Variants in HSPG2 observed in about 807,000 individuals in gnomAD.
The protein encoded by HSPG2 is heparan sulfate proteoglycan 2, also known as basement membrane-specific heparan sulfate proteoglycan core protein.
In HSPG2, 278 loss-of-function variants were observed where a neutral mutation model predicts 526.6. The ratio of observed to expected loss-of-function variants is 0.53; its 90% CI spans 0.48 to 0.58. HSPG2 has a LOEUF of 0.58. HSPG2 is among the 20% of genes least tolerant of loss of function. The pLI, the probability that HSPG2 is intolerant of heterozygous loss-of-function variation, is 0.00. For missense variants in HSPG2, 5,354 were observed against 6,099.5 expected (o/e 0.88, Z 4.07); for synonymous variants, 2,465 against 2,555.4 (o/e 0.96, Z 1.07).
At chr1:21,873,739 G>T (rs1640833582) in intron 29 of HSPG2, among the ~76,000 whole-genome samples, 186 bp downstream of exon 29, 1 of 152,170 alleles carries the variant, frequency 6.6e-6, no homozygotes, top group African/African-American at 2.4e-5. Context: ...GTGTCTGAGG[G>T]TCTTGAATTC....
Position 21,839,823 on chromosome 1 carries a change from T to G in HSPG2, c.9708A>C (p.Thr3236=). Residue 3236 remains threonine, a splice_region_variant and synonymous_variant, in exon 72 of 97, where the codon ACA becomes ACC. Transcript: ENST00000374695. The surrounding 1 kb of genome is among the most constrained non-coding windows in gnomAD (Gnocchi z 4.5). ...GHTATLRCSA[T]GSPAPTIHWS... ...CTATGTGCCAGCCCTTGGTCACACCTGTGGCTGAGCAGCGCAAGGTGGCCG... is the reference window on the plus strand; with the variant it reads ...CTATGTGCCAGCCCTTGGTCACACCGGTGGCTGAGCAGCGCAAGGTGGCCG... 6.2e-7 allele frequency: 1 copy of G among 1,613,372 alleles called. No homozygotes were observed. The highest frequency in any genetic ancestry group is 8.5e-7 in the Non-Finnish European group (1 of 1,179,980).
chr1:21,853,886 C>G, intron 50 of HSPG2: 1 of 436,112 alleles, frequency 2.3e-6, no homozygotes, highest in Non-Finnish European at 4.2e-6. Flanking sequence ...AAAGCTAGTT[C>G]AAGGTTGCTA....
At position 21,850,448 on chromosome 1, in the gene HSPG2, G is replaced by C. The variant is rs770212594; in HGVS notation, c.7209C>G (p.Gly2403=). 6 of 1,612,042 alleles carry C rather than the reference G, an allele frequency of 3.7e-6. No homozygotes were observed. The highest frequency in any genetic ancestry group is 1.3e-5 in the African/African-American group (1 of 74,900). Residue 2403 remains glycine, a synonymous_variant, in exon 56 of 97, where the codon GGC becomes GGG. Transcript: ENST00000374695. ...TGCCCAACACTCGGCACACGTACTC[G>C]CCCGAGTCGGCGGGGGACGCTTGGT... ...RLYQASPADS[G]EYVCRVLGSS... is the part of the protein sequence containing the mutation.
intron 18 of HSPG2, 118 bp from the exon 19 acceptor site, chr1:21,878,781 TCCCTGC>T (rs1339312174): frequency 2.5e-6 from 3 of 1,210,522 alleles, no homozygotes; most frequent in African/African-American, 1.5e-5. Flanking sequence ...TGACGCCATC[TCCCTGC>T]CCGGCAGCCT....
Position 21,839,107 on chromosome 1 carries a change from TC to T in HSPG2, c.9890-23del. ...GGGCCTGAGTGGGGGGACACAGAGG[TC>T]AGGATTGGGGAGGGCAAAGGTCAGA... On this transcript the variant is annotated intron_variant, in intron 73 of 96. Transcript: ENST00000374695. The surrounding 1 kb of genome is among the most constrained non-coding windows in gnomAD (Gnocchi z 4.5). 1 of 1,565,716 alleles carries T rather than the reference TC, an allele frequency of 6.4e-7. No homozygotes were observed. Among genetic ancestry groups the T allele is most frequent in the South Asian group, 1.2e-5 (1 of 83,298 alleles).
In HSPG2 at chr1:21,847,575, CCTGTTG is replaced by C; in HGVS notation, c.8026-89_8026-84del. ...AGCTGGCTCAGGCCTTCCTGCTCAG[CCTGTTG>C]AGGCTGCTATCGGTCTACCCAGGGC... On this transcript the variant is annotated intron_variant, in intron 61 of 96. Coordinates refer to ENST00000374695, the MANE Select transcript of HSPG2 (RefSeq NM_005529.7). The surrounding 1 kb of genome is among the most constrained non-coding windows in gnomAD (Gnocchi z 4.1). 1 of 1,605,828 alleles carries C rather than the reference CCTGTTG, an allele frequency of 6.2e-7. No homozygotes were observed. Among genetic ancestry groups the C allele is most frequent in the Non-Finnish European group, 8.5e-7 (1 of 1,173,860 alleles).
chr1:21,874,353 G>A (rs1572318497), intron 28 of HSPG2, 53 bp downstream of exon 28: 1 of 1,606,096 alleles, frequency 6.2e-7, no homozygotes, highest in East Asian at 2.2e-5. Context: ...GGGTGTGGGA[G>A]CGGGTGGTAG....
Position 21,873,038 on chromosome 1 carries a change from C to T in HSPG2, c.3847G>A (p.Val1283Ile), listed in dbSNP as rs62642527. The T allele has an allele frequency of 7.4e-4, 1,191 of 1,606,646 alleles. 7 individuals carry two copies. In the African/African-American group the frequency reaches 0.013, roughly 18 times the overall value. The change falls in exon 31 of 97, where the codon GTC becomes ATC. Residue 1283 changes from valine to isoleucine, a missense_variant. By Grantham distance (29) the Val-to-Ile change is conservative. Coordinates refer to ENST00000374695, the MANE Select transcript of HSPG2 (RefSeq NM_005529.7). ...CCAGCAGCATCACACTGGCTGCTGA[C>T]GCTGCCTTGGGGGTCACAGTTGCAG... ...IGCNCDPQGS[V>I]SSQCDAAGQC...
At chr1:21,929,788 G>A (rs1378414302) in intron 1 of HSPG2, among the ~76,000 whole-genome samples, 1 of 151,982 alleles carries the variant, frequency 6.6e-6, no homozygotes, top group Non-Finnish European at 1.5e-5. Flanking sequence ...TTCTCTTTCT[G>A]TCCCGCCCCA....
At position 21,884,567 on chromosome 1, in the gene HSPG2, G is replaced by C. The variant is rs1348251766; in HGVS notation, c.1615C>G (p.Gln539Glu). ...GGTTGGTCAAAGCGCAGCCTGATCT[G>C]GTCCCGGAAGCGGCGGGTGCTCTGG... Reference protein sequence around the residue: ...VCQSTRRFRDQIRLRFDQPDD... With the variant: ...VCQSTRRFRDEIRLRFDQPDD... Residue 539 changes from glutamine (Q) to glutamate (E), a missense_variant, in exon 13 of 97, where the codon CAG (glutamine) becomes GAG (glutamate). Coordinates refer to ENST00000374695, the MANE Select transcript of HSPG2 (RefSeq NM_005529.7). 1.6e-5 allele frequency: 25 copies of C among 1,611,366 alleles called. No homozygotes were observed. The highest frequency in any genetic ancestry group is 2.0e-5 in the Non-Finnish European group (24 of 1,179,928).
chr1:21,882,162 C>T (rs1251032924), intron 13 of HSPG2, among the ~76,000 whole-genome samples: 1 of 151,912 alleles, frequency 6.6e-6, no homozygotes, highest in Non-Finnish European at 1.5e-5. Flanking sequence ...GACCCACAGA[C>T]TTTCAGGGCT....
rs1643256260 is a variant in HSPG2 at position 21,904,332 on chromosome 1, G to A, written c.64-8022C>T. Among the ~76,000 whole-genome samples the A allele has an allele frequency of 1.3e-5, 2 of 152,100 alleles. No homozygotes were observed. The highest frequency in any genetic ancestry group is 2.9e-5 in the Non-Finnish European group (2 of 68,028). ...AAGAGTGCGGACCAGGTGGAGGGAA[G>A]GGCACACGCTGAGGCCAGGGCTGGA... is the stretch of plus-strand genomic sequence containing the variant. On this transcript the variant is annotated intron_variant, in intron 1 of 96. Coordinates refer to ENST00000374695, the MANE Select transcript of HSPG2 (RefSeq NM_005529.7). This position sits in a 1 kb window ranked among gnomAD's most constrained non-coding sequence, Gnocchi z 4.4.
At chr1:21,837,368 C>T (rs1347230701) in intron 74 of HSPG2, among the ~76,000 whole-genome samples, 4 of 152,172 alleles carry the variant, frequency 2.6e-5, no homozygotes, top group African/African-American at 9.7e-5. Context: ...GCAACGTCCA[C>T]CTCCCGGGTT....
rs954095208 is a variant in HSPG2 at position 21,865,881 on chromosome 1, T to C, written c.4222-72A>G. 1.0e-4 allele frequency: 123 copies of C among 1,206,708 alleles called. 1 individual carries two copies. In the South Asian group the frequency reaches 1.3e-3, roughly 13 times the overall value. 74.8% of individuals were successfully genotyped at this position (1,206,708 alleles called of 1,614,324 possible). On this transcript the variant is annotated intron_variant, in intron 33 of 96. Transcript: ENST00000374695. This position sits in a 1 kb window ranked among gnomAD's most constrained non-coding sequence, Gnocchi z 5.4. Reference sequence around the variant, plus strand: ...AGTGTTGGACCATATAGGTGAGGGATGGAGCATCTGGCGGCCTTTTTGCAC... The same window carrying C: ...AGTGTTGGACCATATAGGTGAGGGACGGAGCATCTGGCGGCCTTTTTGCAC...
rs117606398 is a variant in HSPG2, at chr1:21,907,149, C to A, written c.64-10839G>T. Among the ~76,000 whole-genome samples the A allele has an allele frequency of 1.2e-3, 176 of 152,258 alleles. 1 individual carries two copies. The East Asian group carries it at 0.034, about 29-fold the overall frequency. The stretch of plus-strand genomic sequence containing the variant: ...CTGTCGGAGGTGAAAGAGAAGGTGG[C>A]CCAGCACCCAGTCATTCCTGGTCCG... On this transcript the variant is annotated intron_variant, in intron 1 of 96. Coordinates refer to ENST00000374695, the MANE Select transcript of HSPG2 (RefSeq NM_005529.7).
rs373144343 is a variant in HSPG2, at chr1:21,872,635, G to C, written c.4014C>G (p.Ala1338=). 8.2e-6 allele frequency: 13 copies of C among 1,590,686 alleles called. No individual in the cohort carries two copies. The highest frequency in any genetic ancestry group is 1.1e-5 in the Non-Finnish European group (13 of 1,170,258). The change falls in exon 32 of 97, where the codon GCC becomes GCG. Residue 1338 remains alanine, a synonymous_variant. Coordinates refer to ENST00000374695, the MANE Select transcript of HSPG2 (RefSeq NM_005529.7). This position sits in a 1 kb window ranked among gnomAD's most constrained non-coding sequence, Gnocchi z 5.5. ...AGGCTCTCACCAGGTGGCGTGTGTA[G>C]GCAGAGCTGGCGCACTGCTGGGTGA... ...MGITQQCASS[A]YTRHLISTHF...
In HSPG2 at chr1:21,875,699, G is replaced by A. The variant is rs750289963; in HGVS notation, c.3232C>T (p.Leu1078=). ...DGQPATREHL[L]MALAGIDTLL... is the part of the protein sequence containing the mutation. ...GTGTCGATGCCTGCCAGTGCCATCA[G>A]CAGGTGCTCCCGTGTGGCTGGCTGC... The change falls in exon 25 of 97, where the codon CTG becomes TTG. Residue 1078 remains leucine, a synonymous_variant. Transcript: ENST00000374695. The A allele has an allele frequency of 6.2e-7, 1 of 1,604,770 alleles. No homozygotes were observed. Among genetic ancestry groups the A allele is most frequent in the East Asian group, 2.2e-5 (1 of 44,868 alleles).
Position 21,828,462 on chromosome 1 carries a change from C to G in HSPG2, c.12238-36G>C, listed in dbSNP as rs1042089377. ...AGGGACACCGAGGGACTAAAGGGGC[C>G]TGGGAGGCAGAGACCCAGGTGTACC... On this transcript the variant is annotated intron_variant, in intron 88 of 96. Coordinates refer to ENST00000374695, the MANE Select transcript of HSPG2 (RefSeq NM_005529.7). The surrounding 1 kb of genome is among the most constrained non-coding windows in gnomAD (Gnocchi z 6.0). 2 of 1,607,472 alleles carry G rather than the reference C, an allele frequency of 1.2e-6. No individual in the cohort carries two copies. Among genetic ancestry groups the G allele is most frequent in the African/African-American group, 1.3e-5 (1 of 74,842 alleles).
At chr1:21,923,874 T>A (rs1644113193) in intron 1 of HSPG2, among the ~76,000 whole-genome samples, 1 of 152,254 alleles carries the variant, frequency 6.6e-6, no homozygotes, top group Admixed American at 6.5e-5. Flanking sequence ...GGTCCCATTT[T>A]GCTTCTGGGG....
Sources: gnomAD v4.1 joint callset for allele counts (sites outside exome capture counted in the v4.1 genomes callset) on GRCh38, gnomAD v4.1.1 for gene constraint, Gnocchi (gnomAD v3.1) non-coding constraint, MANE v1.5 for transcripts, NCBI Gene and HGNC (gene_info 2026-07-23, HGNC 2026-07-21) for gene names.